Variants in SLC1A4 observed in about 807,000 individuals in gnomAD.
SLC1A4 encodes solute carrier family 1 member 4, also known as neutral amino acid transporter A.
SLC1A4 carries 19 observed loss-of-function variants against 37.7 expected under a neutral mutation model. That is an observed-to-expected ratio of 0.50 (90% CI 0.35 to 0.74). The LOEUF (loss-of-function observed/expected upper bound fraction) is 0.74. SLC1A4 is among the 30% of genes least tolerant of loss of function. The pLI is 0.01. For missense variants in SLC1A4, 570 were observed against 712.9 expected, an observed-to-expected ratio of 0.80 and a Z score of 2.28; for synonymous variants, 299 against 309.8, an observed-to-expected ratio of 0.97 and a Z score of 0.37.
In SLC1A4 at chr2:65,018,113, C is replaced by G; in HGVS notation, c.1077C>G (p.Asn359Lys). 6.2e-7 allele frequency: 1 copy of G among 1,614,118 alleles called. No individual in the cohort carries two copies. The highest frequency in any genetic ancestry group is 8.5e-7 in the Non-Finnish European group (1 of 1,180,028). ...CTATGATGAAGTGCATTGAAGAGAA[C>G]AATGGTGTGGACAAGAGGATCAGCA... ...LPSMMKCIEE[N>K]NGVDKRISRF... The change falls in exon 6 of 8, where the codon AAC becomes AAG. Residue 359 changes from asparagine (N) to lysine (K), a missense_variant. By Grantham distance (94) the Asn-to-Lys change is moderately conservative (BLOSUM62 0). Coordinates refer to ENST00000234256, the MANE Select transcript of SLC1A4 (RefSeq NM_003038.5). The surrounding 1 kb of genome is among the most constrained non-coding windows in gnomAD (Gnocchi z 4.3).
At chr2:65,004,910 T>C (rs1237051331) in intron 3 of SLC1A4, among the ~76,000 whole-genome samples, 1 of 152,250 alleles carries the variant, frequency 6.6e-6, no homozygotes, top group Non-Finnish European at 1.5e-5. Context: ...GATTTTTGTA[T>C]ATGTATACAG....
chr2:65,002,988 T>G (rs1673536504), intron 2 of SLC1A4, among the ~76,000 whole-genome samples: 1 of 152,182 alleles, frequency 6.6e-6, no homozygotes, highest in South Asian at 2.1e-4. Flanking sequence ...ACCTCTCATT[T>G]TTGTTTTGTT....
At chr2:65,014,810 G>T (rs150548611) in intron 4 of SLC1A4, among the ~76,000 whole-genome samples, 29 of 152,346 alleles carry the variant, frequency 1.9e-4, no homozygotes, top group Admixed American at 3.9e-4. Context: ...AGTGTCGTTT[G>T]TAACGATAAA....
In SLC1A4 at chr2:65,010,622, G is replaced by A. The variant is rs1310689135; in HGVS notation, c.659G>A (p.Gly220Glu). 6 of 1,613,032 alleles carry A rather than the reference G, an allele frequency of 3.7e-6. No homozygotes were observed. The highest frequency in any genetic ancestry group is 3.4e-6 in the Non-Finnish European group (4 of 1,179,550). The change falls in exon 4 of 8, where the codon GGG becomes GAG. Residue 220 changes from glycine (G) to glutamate (E), a missense_variant. By Grantham distance (98) the Gly-to-Glu change is moderately conservative (BLOSUM62 -2). Coordinates refer to ENST00000234256, the MANE Select transcript of SLC1A4 (RefSeq NM_003038.5). ...ATCCCCATAGGCACTGAGATAGAAG[G>A]GATGAACATTTTAGGATTGGTCCTG... is the stretch of plus-strand genomic sequence containing the variant. The part of the protein sequence containing the change: ...EKIPIGTEIE[G>E]MNILGLVLFA...
intron 4 of SLC1A4, among the ~76,000 whole-genome samples, chr2:65,014,256 G>A (rs999922571): frequency 7.9e-5 from 12 of 151,830 alleles, no homozygotes; most frequent in African/African-American, 2.9e-4. Flanking sequence ...TGCATATATA[G>A]AAAAAAAGAG....
At chr2:65,006,712 G>C (rs996404724) in intron 3 of SLC1A4, among the ~76,000 whole-genome samples, 1 of 152,130 alleles carries the variant, frequency 6.6e-6, no homozygotes, top group African/African-American at 2.4e-5. Flanking sequence ...GCTGAGGTGG[G>C]AGGATTGCTT....
intron 3 of SLC1A4, among the ~76,000 whole-genome samples, chr2:65,006,628 T>C (rs914388578): frequency 1.3e-4 from 20 of 151,998 alleles, no homozygotes; most frequent in African/African-American, 4.6e-4. Flanking sequence ...GGTTGGGATA[T>C]TGGTGACAGA....
intron 1 of SLC1A4, among the ~76,000 whole-genome samples, chr2:64,992,074 G>C (rs544133631): frequency 6.6e-6 from 1 of 152,330 alleles, no homozygotes; most frequent in South Asian, 2.1e-4. Context: ...CTGAGGTTGA[G>C]AGCACCTTTA....
chr2:65,009,379 GAAAAAAA>G (rs199853664), intron 3 of SLC1A4, among the ~76,000 whole-genome samples: 1 of 86,564 alleles, frequency 1.2e-5, no homozygotes, highest in South Asian at 4.0e-4. Context: ...GTCTCAAAAA[GAAAAAAA>G]AAAAGAAAAG....
intron 1 of SLC1A4, among the ~76,000 whole-genome samples, chr2:64,994,078 T>C (rs577636403): frequency 6.6e-6 from 1 of 152,240 alleles, no homozygotes; most frequent in Non-Finnish European, 1.5e-5. Flanking sequence ...ACATGGCATC[T>C]GGAGGAGAAG....
chr2:65,010,866 A>G (rs753561877), intron 4 of SLC1A4, 103 bp downstream of exon 4: 19 of 1,157,966 alleles, frequency 1.6e-5, no homozygotes, highest in African/African-American at 7.7e-5. Context: ...ACCTGGCACA[A>G]TGCTGTGTAT....
chr2:65,016,102 C>T (rs1438735312), intron 4 of SLC1A4, among the ~76,000 whole-genome samples: 1 of 152,200 alleles, frequency 6.6e-6, no homozygotes, highest in Non-Finnish European at 1.5e-5. Flanking sequence ...GCTTACAGTC[C>T]TGGAGGCTTT....
At chr2:64,992,410 C>G (rs552659733) in intron 1 of SLC1A4, among the ~76,000 whole-genome samples, 3 of 152,304 alleles carry the variant, frequency 2.0e-5, no homozygotes, top group South Asian at 4.1e-4. Context: ...GTGGGTGCAA[C>G]TTTTCAATGA....
Position 65,020,824 on chromosome 2 carries a change from A to C in SLC1A4, c.1365-88A>C, listed in dbSNP as rs1674388311. 2.8e-6 allele frequency: 3 copies of C among 1,056,078 alleles called. No individual in the cohort carries two copies. The South Asian group carries it at 4.1e-5, about 14-fold the overall frequency. The allele number at this position is 1,056,078 out of a possible 1,614,324, so 65.4% of individuals were successfully genotyped here. A position where few individuals can be genotyped will look rare whatever the true frequency, so the allele number is the denominator to read the frequency against. On this transcript the variant is annotated intron_variant, in intron 7 of 7. Transcript: ENST00000234256. ...GGAAGCAACAGGGCCCCTCACAATC[A>C]TGACTTTCCTTCGGCATCCAGGCTG...
intron 3 of SLC1A4, among the ~76,000 whole-genome samples, chr2:65,005,019 G>A (rs1673621475): frequency 6.6e-6 from 1 of 152,200 alleles, no homozygotes; most frequent in Non-Finnish European, 1.5e-5. Flanking sequence ...ACTTGTTGAA[G>A]TTCGGAACAA....
intron 3 of SLC1A4, among the ~76,000 whole-genome samples, chr2:65,007,373 GA>G (rs1432927872): frequency 6.6e-6 from 1 of 152,034 alleles, no homozygotes; most frequent in African/African-American, 2.4e-5. Context: ...AGATGTGGGG[GA>G]AAAGTGATGT....
chr2:65,016,689 G>A lies in SLC1A4; in HGVS notation c.1034+16G>A, dbSNP rs368166419. 3.2e-6 allele frequency: 5 copies of A among 1,546,002 alleles called. No homozygotes were observed. In the African/African-American group the frequency reaches 5.4e-5, roughly 17 times the overall value. On this transcript the variant is annotated intron_variant, in intron 5 of 7. Coordinates refer to ENST00000234256, the MANE Select transcript of SLC1A4 (RefSeq NM_003038.5). ...CCTGCTCCAGGTGAGTGGGTTTTGG[G>A]TCTCTTCACTGCTCTGAGCCATGTT...
intron 1 of SLC1A4, among the ~76,000 whole-genome samples, chr2:64,994,539 GT>G (rs1385500319): frequency 6.6e-6 from 1 of 152,152 alleles, no homozygotes; most frequent in South Asian, 2.1e-4. Flanking sequence ...GTTTTCTAGG[GT>G]TTTTTTCACT....
chr2:64,989,027 C>T (rs1672917144), upstream of SLC1A4, among the ~76,000 whole-genome samples: 3 of 151,338 alleles, frequency 2.0e-5, no homozygotes. Flanking sequence ...GGACTCAGAT[C>T]CCGGCCGCGG....
Sources: gnomAD v4.1 joint callset for allele counts (sites outside exome capture counted in the v4.1 genomes callset) on GRCh38, gnomAD v4.1.1 for gene constraint, Gnocchi (gnomAD v3.1) non-coding constraint, MANE v1.5 for transcripts, NCBI Gene and HGNC (gene_info 2026-07-23, HGNC 2026-07-21) for gene names.